Variants in ATP2B4 observed in about 807,000 individuals in gnomAD.
ATP2B4 encodes plasma membrane calcium-transporting ATPase 4.
In ATP2B4, 39 loss-of-function variants were observed where a neutral mutation model predicts 110.3. The ratio of observed to expected loss-of-function variants is 0.35; its 90% CI spans 0.27 to 0.46. The LOEUF is 0.46. Ranked by LOEUF, ATP2B4 falls within the 20% of genes least tolerant of loss-of-function variation. ATP2B4 has a pLI of 1.00. For missense variants in ATP2B4, 1,135 were observed against 1,530.9 expected (o/e 0.74, Z 4.32); for synonymous variants, 538 against 571.7 (o/e 0.94, Z 0.84).
rs769026582 is a variant in ATP2B4 at position 203,708,009 on chromosome 1, C to A, written c.1462C>A (p.Arg488Ser). 7 of 1,614,172 alleles carry A rather than the reference C, an allele frequency of 4.3e-6. No individual in the cohort carries two copies. The highest frequency in any genetic ancestry group is 3.3e-5 in the South Asian group (3 of 91,084). The change falls in exon 10 of 21, where the codon CGT (arginine) becomes AGT (serine). Residue 488 changes from arginine (R) to serine (S), a missense_variant. Around this residue, in one of 9 missense-constraint regions of ATP2B4, gnomAD observed 368 missense variants for 455.9 expected, o/e 0.81. Transcript: ENST00000357681. ...VQAYIGGIHY[R>S]QIPSPDVFLP... is the part of the protein sequence containing the mutation. ...AGCTTATATTGGGGGCATCCATTACCGTCAAATCCCAAGCCCTGATGTCTT... is the reference window on the plus strand; with the variant it reads ...AGCTTATATTGGGGGCATCCATTACAGTCAAATCCCAAGCCCTGATGTCTT...
intron 1 of ATP2B4, among the ~76,000 whole-genome samples, chr1:203,631,858 G>C (rs1312831611): frequency 6.6e-6 from 1 of 152,118 alleles, no homozygotes; most frequent in Non-Finnish European, 1.5e-5. Flanking sequence ...GCAGCGGCGC[G>C]ATCTCAGCTC....
intron 1 of ATP2B4, among the ~76,000 whole-genome samples, chr1:203,630,014 G>A (rs1035308624): frequency 1.3e-5 from 2 of 152,240 alleles, no homozygotes; most frequent in African/African-American, 4.8e-5. Context: ...CTCCACGGTA[G>A]AGGTGACAGG....
intron 2 of ATP2B4, among the ~76,000 whole-genome samples, chr1:203,684,797 C>G (rs1230948197): frequency 6.6e-6 from 1 of 152,028 alleles, no homozygotes; most frequent in Non-Finnish European, 1.5e-5. Flanking sequence ...TTTTTCAACT[C>G]TGCTGGATAC....
intron 13 of ATP2B4, 28 bp downstream of exon 13, chr1:203,712,167 C>T: frequency 1.9e-6 from 3 of 1,607,126 alleles, no homozygotes; most frequent in Non-Finnish European, 2.5e-6. Flanking sequence ...GGAACCAGGA[C>T]CTCACCTGAC....
chr1:203,687,994 G>GATGATGATT (rs374652843), intron 2 of ATP2B4, among the ~76,000 whole-genome samples: 1 of 138,668 alleles, frequency 7.2e-6, no homozygotes, highest in Admixed American at 7.2e-5. Flanking sequence ...GAGAGAAAGA[G>GATGATGATT]ATTATTATTA....
intron 1 of ATP2B4, among the ~76,000 whole-genome samples, chr1:203,678,810 C>T (rs950210966): frequency 8.5e-5 from 13 of 152,232 alleles, no homozygotes; most frequent in African/African-American, 3.1e-4. Context: ...GCAGTCAAGA[C>T]CACTGACTTG....
At chr1:203,718,066 A>T (rs1666211225) in intron 15 of ATP2B4, among the ~76,000 whole-genome samples, 2 of 152,104 alleles carry the variant, frequency 1.3e-5, no homozygotes, top group Non-Finnish European at 2.9e-5. Context: ...TCAGTGGACA[A>T]AGCTAAGAAG....
At chr1:203,678,800 G>T (rs1664909237) in intron 1 of ATP2B4, among the ~76,000 whole-genome samples, 1 of 152,094 alleles carries the variant, frequency 6.6e-6, no homozygotes, top group African/African-American at 2.4e-5. Flanking sequence ...AGAGCACCAG[G>T]CAGTCAAGAC....
chr1:203,694,762 G>C (rs747101606), intron 2 of ATP2B4, among the ~76,000 whole-genome samples: 1 of 152,216 alleles, frequency 6.6e-6, no homozygotes, highest in East Asian at 1.9e-4. Flanking sequence ...AATACATTGA[G>C]AAGAGACTAA....
intron 16 of ATP2B4, 63 bp downstream of exon 16, chr1:203,720,803 G>A (rs1571762166): frequency 1.3e-6 from 2 of 1,526,172 alleles, no homozygotes; most frequent in Non-Finnish European, 1.8e-6. Context: ...AACATGGAGT[G>A]AAGACTACGG....
At chr1:203,649,266 G>C (rs1340420463) in intron 1 of ATP2B4, among the ~76,000 whole-genome samples, 1 of 152,034 alleles carries the variant, frequency 6.6e-6, no homozygotes, top group Non-Finnish European at 1.5e-5. Flanking sequence ...GTTCAAAGTG[G>C]GTGAAAAATC....
chr1:203,734,677 A>C (rs1666830796), intron 20 of ATP2B4, among the ~76,000 whole-genome samples: 1 of 145,958 alleles, frequency 6.9e-6, no homozygotes. Context: ...TTGCACTCCA[A>C]CCTGGGCTAC....
At chr1:203,634,550 C>G (rs545164984) in intron 1 of ATP2B4, among the ~76,000 whole-genome samples, 1 of 152,148 alleles carries the variant, frequency 6.6e-6, no homozygotes, top group Non-Finnish European at 1.5e-5. Flanking sequence ...TTTAGTCTAG[C>G]GTTTAATGGA....
chr1:203,712,851 C>T (rs1666051916), intron 13 of ATP2B4, among the ~76,000 whole-genome samples: 1 of 152,072 alleles, frequency 6.6e-6, no homozygotes, highest in East Asian at 1.9e-4. Flanking sequence ...ACCTCAGAAG[C>T]ACCACTTTAC....
At chr1:203,733,919 G>C (rs1333398030) in intron 20 of ATP2B4, among the ~76,000 whole-genome samples, 3 of 152,170 alleles carry the variant, frequency 2.0e-5, no homozygotes, top group Non-Finnish European at 4.4e-5. Context: ...GTTTTGACTA[G>C]TGGACCTGTC....
chr1:203,699,754 CA>C, intron 4 of ATP2B4, 37 bp downstream of exon 4: 1 of 1,608,286 alleles, frequency 6.2e-7, no homozygotes, highest in Non-Finnish European at 8.5e-7. Context: ...ACCCCACCAC[CA>C]CCCCCATTTA....
At position 203,709,194 on chromosome 1, in the gene ATP2B4, C is replaced by T. The variant is rs905866655; in HGVS notation, c.1558-107C>T. On this transcript the variant is annotated intron_variant, in intron 10 of 20. Transcript: ENST00000357681. ...AAAAAAATGTTATTTCCCCTATGAG[C>T]TCCAGGTATATAATGTGAAGGCTTT... 5.6e-6 allele frequency: 8 copies of T among 1,424,214 alleles called. No homozygotes were observed. In the South Asian group the frequency reaches 7.7e-5, roughly 14 times the overall value. The allele number at this position is 1,424,214 out of a possible 1,614,324, so 88.2% of individuals were successfully genotyped here.
intron 1 of ATP2B4, among the ~76,000 whole-genome samples, chr1:203,643,705 C>T (rs904115665): frequency 1.3e-5 from 2 of 152,156 alleles, no homozygotes; most frequent in Admixed American, 1.3e-4. Context: ...GGATGGCATC[C>T]AATGATGGGA....
At chr1:203,729,569 G>T in intron 20 of ATP2B4, 4 of 435,654 alleles carry the variant, frequency 9.2e-6, no homozygotes, top group Non-Finnish European at 1.7e-5. Flanking sequence ...AAAAGAAGAA[G>T]AAAAGTGGAT....
Sources: allele counts gnomAD v4.1 joint callset (sites outside exome capture counted in the v4.1 genomes callset), GRCh38; gene constraint gnomAD v4.1.1; regional missense constraint gnomAD v4.1.1; transcripts MANE v1.5; gene names NCBI Gene and HGNC (gene_info 2026-07-23, HGNC 2026-07-21).